The following SGCZ variants were observed in gnomAD, a reference collection of about 807,000 sequenced individuals.
The protein encoded by SGCZ is zeta-sarcoglycan.
SGCZ carries 40 observed loss-of-function variants against 41.3 expected under a neutral mutation model. The observed-to-expected ratio is 0.97, with a 90% CI of 0.75 to 1.26. SGCZ has a LOEUF of 1.26. Ranked by LOEUF, SGCZ falls within the 50% of genes most tolerant of loss-of-function variation. The pLI is 0.00. For synonymous variants in SGCZ, 206 were observed against 137.5 expected, an observed-to-expected ratio of 1.50 and a Z score of -3.49; for missense variants, 552 against 369.8, an observed-to-expected ratio of 1.49 and a Z score of -4.04.
chr8:15,145,641 G>C (rs1799016018), intron 1 of SGCZ, among the ~76,000 whole-genome samples: 1 of 152,058 alleles, frequency 6.6e-6, no homozygotes, highest in African/African-American at 2.4e-5. Context: ...TTTCTTCAGA[G>C]ACAAGGTCTT....
intron 1 of SGCZ, among the ~76,000 whole-genome samples, chr8:14,737,839 A>G (rs1186122664): frequency 6.6e-6 from 1 of 152,160 alleles, no homozygotes; most frequent in Non-Finnish European, 1.5e-5. Context: ...ACTATGAGTT[A>G]GGATAACAAC....
chr8:14,172,871 C>T (rs1804429173), intron 4 of SGCZ, among the ~76,000 whole-genome samples: 1 of 152,048 alleles, frequency 6.6e-6, no homozygotes, highest in South Asian at 2.1e-4. Context: ...AAAAAGGCTG[C>T]ATTGTACATG....
chr8:14,776,766 T>C (rs1164764729), intron 1 of SGCZ, among the ~76,000 whole-genome samples: 1 of 152,174 alleles, frequency 6.6e-6, no homozygotes, highest in Middle Eastern at 3.2e-3. Flanking sequence ...GTGCTGGGAT[T>C]ACAGGCGTGA....
At chr8:15,217,250 T>C (rs1004296525) in intron 1 of SGCZ, among the ~76,000 whole-genome samples, 2 of 151,544 alleles carry the variant, frequency 1.3e-5, no homozygotes, top group African/African-American at 2.4e-5. Context: ...ACCCCGTTTC[T>C]ACTAAAAATA....
chr8:14,797,056 T>C (rs1801157514), intron 1 of SGCZ, among the ~76,000 whole-genome samples: 1 of 152,100 alleles, frequency 6.6e-6, no homozygotes, highest in Non-Finnish European at 1.5e-5. Flanking sequence ...CATAGCAGCA[T>C]GAGAGAAGAC....
rs10695784 is a variant in SGCZ, at chr8:14,232,136, C to CATATATAT, written c.424+5448_424+5455dup. Among the ~76,000 whole-genome samples the CATATATAT allele has an allele frequency of 2.0e-5, 3 of 150,068 alleles. No homozygotes were observed. The East Asian group carries it at 5.9e-4, about 29-fold the overall frequency. Reference sequence around the variant, plus strand: ...TCTAATCAAACAAATCTTCTTTCATCATATATATATACATATATATTTAAT... The same window carrying CATATATAT: ...TCTAATCAAACAAATCTTCTTTCATCATATATATATATATATATACATATATATTTAAT... On this transcript the variant is annotated intron_variant, in intron 4 of 7. Coordinates refer to ENST00000382080, the MANE Select transcript of SGCZ (RefSeq NM_139167.4).
intron 1 of SGCZ, among the ~76,000 whole-genome samples, chr8:14,919,343 A>C (rs1799524564): frequency 6.6e-6 from 1 of 152,080 alleles, no homozygotes; most frequent in African/African-American, 2.4e-5. Flanking sequence ...CAGGGGGCTG[A>C]AGCAGGAGAA....
chr8:15,135,111 T>C (rs1346330231), intron 1 of SGCZ, among the ~76,000 whole-genome samples: 1 of 152,206 alleles, frequency 6.6e-6, no homozygotes, highest in African/African-American at 2.4e-5. Flanking sequence ...AGAAAAATTA[T>C]ATGCAACTTT....
chr8:14,173,048 T>A (rs1416550259), intron 4 of SGCZ, among the ~76,000 whole-genome samples: 1 of 152,128 alleles, frequency 6.6e-6, no homozygotes, highest in African/African-American at 2.4e-5. Flanking sequence ...TGCCACAGTT[T>A]AGAACTAAAA....
At chr8:14,325,542 A>G (rs972563473) in intron 2 of SGCZ, among the ~76,000 whole-genome samples, 1 of 147,710 alleles carries the variant, frequency 6.8e-6, no homozygotes, top group South Asian at 2.1e-4. Context: ...AAAATCATAT[A>G]TAATAGATTA....
chr8:14,702,919 AGGTAGG>A (rs1809208848), intron 1 of SGCZ, among the ~76,000 whole-genome samples: 4 of 131,776 alleles, frequency 3.0e-5, no homozygotes, highest in Non-Finnish European at 6.6e-5. Flanking sequence ...GTAGGTAGTT[AGGTAGG>A]TAGATAGATA....
chr8:14,154,049 C>T (rs1434338320), intron 5 of SGCZ, among the ~76,000 whole-genome samples: 1 of 152,084 alleles, frequency 6.6e-6, no homozygotes, highest in Non-Finnish European at 1.5e-5. Context: ...ACCCTGATCT[C>T]GAACTTCTAG....
chr8:14,618,870 T>C (rs540920420), intron 1 of SGCZ, among the ~76,000 whole-genome samples: 2 of 152,176 alleles, frequency 1.3e-5, no homozygotes, highest in African/African-American at 4.8e-5. Context: ...ATAACACCAA[T>C]ATTTGGCCTA....
chr8:14,271,783 T>G (rs1009310410), intron 3 of SGCZ, among the ~76,000 whole-genome samples: 3 of 152,172 alleles, frequency 2.0e-5, no homozygotes, highest in African/African-American at 7.2e-5. Flanking sequence ...AGATCCTGAT[T>G]CATATCTACT....
intron 2 of SGCZ, 117 bp downstream of exon 2, chr8:14,554,614 TA>T: frequency 1.2e-6 from 1 of 868,364 alleles, no homozygotes. Flanking sequence ...CTTTGGGATT[TA>T]AAAACACACA....
At chr8:14,268,295 T>C (rs1250432954) in intron 3 of SGCZ, among the ~76,000 whole-genome samples, 1 of 149,618 alleles carries the variant, frequency 6.7e-6, no homozygotes, top group Non-Finnish European at 1.5e-5. Context: ...CATATACATA[T>C]ATATATTTGT....
chr8:15,143,142 G>C (rs1355559748), intron 1 of SGCZ, among the ~76,000 whole-genome samples: 2 of 152,168 alleles, frequency 1.3e-5, no homozygotes, highest in African/African-American at 4.8e-5. Context: ...TTTTGTGATA[G>C]CTACTGTGAA....
intron 5 of SGCZ, among the ~76,000 whole-genome samples, chr8:14,111,710 T>C (rs1369717714): frequency 6.6e-6 from 1 of 152,088 alleles, no homozygotes; most frequent in Non-Finnish European, 1.5e-5. Context: ...CTAAGAAAAT[T>C]CAGGGTCCAA....
At chr8:15,069,937 C>A (rs1209773155) in intron 1 of SGCZ, among the ~76,000 whole-genome samples, 1 of 151,520 alleles carries the variant, frequency 6.6e-6, no homozygotes, top group Non-Finnish European at 1.5e-5. Flanking sequence ...CAGACACACA[C>A]ACAAAGACAC....
Sources: allele counts gnomAD v4.1 joint callset (sites outside exome capture counted in the v4.1 genomes callset), GRCh38; gene constraint gnomAD v4.1.1; transcripts MANE v1.5; gene names NCBI Gene and HGNC (gene_info 2026-07-23, HGNC 2026-07-21).